The following HDAC7 variants were observed in gnomAD, a reference collection of about 807,000 sequenced individuals.
HDAC7 encodes histone deacetylase 7, also known as histone deacetylase 7A.
HDAC7 carries 26 observed loss-of-function variants against 115.5 expected under a neutral mutation model. The ratio of observed to expected loss-of-function variants is 0.23; its 90% confidence interval spans 0.16 to 0.31. The LOEUF is 0.31. HDAC7 is among the 10% of genes least tolerant of loss of function. The pLI, the probability that HDAC7 is intolerant of heterozygous loss-of-function variation, is 1.00. For missense variants in HDAC7, 1,068 were observed against 1,329.0 expected (o/e 0.80, Z 3.05); for synonymous variants, 564 against 550.9 (o/e 1.02, Z -0.33).
In HDAC7 at chr12:47,798,457, C is replaced by A; in HGVS notation, c.349+105G>T. 2 of 1,044,956 alleles carry A rather than the reference C, an allele frequency of 1.9e-6. No homozygotes were observed. Among genetic ancestry groups the A allele is most frequent in the South Asian group, 1.3e-5 (1 of 75,362 alleles). 64.7% of individuals were successfully genotyped at this position (1,044,956 alleles called of 1,614,324 possible). On this transcript the variant is annotated intron_variant, in intron 4 of 25. Transcript: ENST00000080059. The surrounding 1 kb of genome is among the most constrained non-coding windows in gnomAD (Gnocchi z 4.3). Reference sequence around the variant, plus strand: ...AGCAGAGGGAAAGCCTCGGCTCAGGCCCAGCTGGCTGCGGCCCTCCCACCT... The same window carrying A: ...AGCAGAGGGAAAGCCTCGGCTCAGGACCAGCTGGCTGCGGCCCTCCCACCT...
chr12:47,798,818 G>A lies in HDAC7; in HGVS notation c.225C>T (p.Gly75=). 6.4e-7 allele frequency: 1 copy of A among 1,559,184 alleles called. No homozygotes were observed. The highest frequency in any genetic ancestry group is 2.4e-5 in the East Asian group (1 of 41,818). ...QRLHHHLFLA[G]LQQQRSVEPM... ...GCTCCACCGAGCGCTGCTGCTGCAGGCCTGCTAGGAAGAGGTGGTGGTGCA... is the reference window on the plus strand; with the variant it reads ...GCTCCACCGAGCGCTGCTGCTGCAGACCTGCTAGGAAGAGGTGGTGGTGCA... Residue 75 remains glycine (G), a synonymous_variant, in exon 3 of 26, where the codon GGC becomes GGT. Coordinates refer to ENST00000080059, the MANE Select transcript of HDAC7 (RefSeq NM_015401.5). This position sits in a 1 kb window ranked among gnomAD's most constrained non-coding sequence, Gnocchi z 4.3.
Position 47,797,216 on chromosome 12 carries a change from T to A in HDAC7, c.578-74A>T. Reference sequence around the variant, plus strand: ...CCACCCTTTAACCCCTCAGTCCCAGTCATCTCTATCGGTCAAGGAAAGAGA... The same window carrying A: ...CCACCCTTTAACCCCTCAGTCCCAGACATCTCTATCGGTCAAGGAAAGAGA... On this transcript the variant is annotated intron_variant, in intron 6 of 25. Transcript: ENST00000080059. The surrounding 1 kb of genome is among the most constrained non-coding windows in gnomAD (Gnocchi z 5.5). The A allele has an allele frequency of 1.9e-6, 3 of 1,560,662 alleles. No homozygotes were observed. The highest frequency in any genetic ancestry group is 2.6e-6 in the Non-Finnish European group (3 of 1,150,304).
At chr12:47,789,139 G>A (rs530610543) in intron 19 of HDAC7, 122 bp downstream of exon 19, 4 of 786,544 alleles carry the variant, frequency 5.1e-6, no homozygotes, top group South Asian at 4.8e-5. Flanking sequence ...TTTACACAAG[G>A]GGAAACTGAG....
At chr12:47,802,586 T>C in intron 1 of HDAC7, 1 of 996,096 alleles carries the variant, frequency 1.0e-6, no homozygotes, top group East Asian at 2.6e-5. Flanking sequence ...CCCTCCCTCC[T>C]GTGGTCAGAT....
chr12:47,798,657 G>C lies in HDAC7; in HGVS notation c.259-5C>G. ...CATCGGCGTGTCCATGGAGAGCTGT[G>C]GGCAGGGCCGGCAGCCCAGAAAGGG... On this transcript the variant is annotated splice_polypyrimidine_tract_variant and splice_region_variant and intron_variant, in intron 3 of 25. Coordinates refer to ENST00000080059, the MANE Select transcript of HDAC7 (RefSeq NM_015401.5). This position sits in a 1 kb window ranked among gnomAD's most constrained non-coding sequence, Gnocchi z 4.3. 6.2e-7 allele frequency: 1 copy of C among 1,611,470 alleles called. No individual in the cohort carries two copies. Among genetic ancestry groups the C allele is most frequent in the Non-Finnish European group, 8.5e-7 (1 of 1,178,762 alleles).
chr12:47,802,288 G>GAC lies in HDAC7; in HGVS notation c.20-16_20-15dup. 1 of 1,613,378 alleles carries GAC rather than the reference G, an allele frequency of 6.2e-7. No homozygotes were observed. Among genetic ancestry groups the GAC allele is most frequent in the East Asian group, 2.2e-5 (1 of 44,878 alleles). ...CCTGGGTCCCATCTGTAGAGAGAGA[G>GAC]ACGGAGTGAAAGAGCTGCAGGGAGG... On this transcript the variant is annotated splice_polypyrimidine_tract_variant and intron_variant, in intron 1 of 25. Transcript: ENST00000080059.
intron 13 of HDAC7, 194 bp from the exon 14 acceptor site, chr12:47,792,198 C>T (rs1240086033): frequency 1.6e-5 from 10 of 608,026 alleles, no homozygotes; most frequent in South Asian, 4.3e-5. Flanking sequence ...TGTCCACACA[C>T]GCCCAGACAC....
At chr12:47,790,003 G>GC (rs1943392819) in intron 16 of HDAC7, 83 bp from the exon 17 acceptor site, 2 of 1,030,868 alleles carry the variant, frequency 1.9e-6, no homozygotes, top group Non-Finnish European at 3.0e-6. Flanking sequence ...CCACCCCACG[G>GC]CCAGGACCCC....
At chr12:47,787,097 T>G (rs1943211957) in intron 21 of HDAC7, among the ~76,000 whole-genome samples, 1 of 152,180 alleles carries the variant, frequency 6.6e-6, no homozygotes, top group Non-Finnish European at 1.5e-5. Flanking sequence ...TCACAAAGCT[T>G]CAGGGACTAC....
At position 47,787,165 on chromosome 12, in the gene HDAC7, T is replaced by C. The variant is rs1265611454; in HGVS notation, c.2454-462A>G. ...ACCCAGCTACTCACTACTTGAGAGC[T>C]GAGTAGGGGACAACTAGGTCCTCTG... On this transcript the variant is annotated intron_variant, in intron 21 of 25. Coordinates refer to ENST00000080059, the MANE Select transcript of HDAC7 (RefSeq NM_015401.5). Among the ~76,000 whole-genome samples, 12 of 152,254 alleles carry C rather than the reference T, an allele frequency of 7.9e-5. No homozygotes were observed. The East Asian group carries it at 1.7e-3, about 22-fold the overall frequency.
At chr12:47,790,953 T>G in intron 16 of HDAC7, 1 of 484,224 alleles carries the variant, frequency 2.1e-6, no homozygotes, top group Non-Finnish European at 3.7e-6. Context: ...TGGGGGTCTT[T>G]GAAGGGAGAG....
At chr12:47,802,709 G>A (rs370117063) in intron 1 of HDAC7, among the ~76,000 whole-genome samples, 2 of 152,132 alleles carry the variant, frequency 1.3e-5, no homozygotes, top group Admixed American at 6.6e-5. Context: ...ATGGCTGGGG[G>A]GACAGGAGGA....
Position 47,783,451 on chromosome 12 carries a change from C to CT in HDAC7, c.*389_*390insA. 1 of 257,682 alleles carries CT rather than the reference C, an allele frequency of 3.9e-6. No homozygotes were observed. Among genetic ancestry groups the CT allele is most frequent in the Non-Finnish European group, 7.8e-6 (1 of 128,768 alleles). The allele number at this position is 257,682 out of a possible 1,614,324, so 16.0% of individuals were successfully genotyped here. Reference sequence around the variant, plus strand: ...GCCAAGTTCACATTTCTGTGTGGAGCCTGAGGCTGTGTGCAAAGTCTGGGG... The same window carrying CT: ...GCCAAGTTCACATTTCTGTGTGGAGCTCTGAGGCTGTGTGCAAAGTCTGGGG... On this transcript the variant is annotated 3_prime_UTR_variant, in exon 26 of 26. Coordinates refer to ENST00000080059, the MANE Select transcript of HDAC7 (RefSeq NM_015401.5).
At chr12:47,804,249 G>C (rs1592681004) in intron 1 of HDAC7, among the ~76,000 whole-genome samples, 1 of 152,164 alleles carries the variant, frequency 6.6e-6, no homozygotes, top group Non-Finnish European at 1.5e-5. Flanking sequence ...GCTTCCAATA[G>C]CAATTCCTGG....
At position 47,792,019 on chromosome 12, in the gene HDAC7, G is replaced by T. The variant is rs749521775; in HGVS notation, c.1679-15C>A. 2 of 1,594,382 alleles carry T rather than the reference G, an allele frequency of 1.3e-6. No individual in the cohort carries two copies. Among genetic ancestry groups the T allele is most frequent in the East Asian group, 2.3e-5 (1 of 44,402 alleles). On this transcript the variant is annotated splice_polypyrimidine_tract_variant and intron_variant, in intron 13 of 25. Transcript: ENST00000080059. ...ATAGATCAGCCCTGCAGGAGCAAGGGTCAGAGCGGGGACCCAGGGAGTCCT... is the reference window on the plus strand; with the variant it reads ...ATAGATCAGCCCTGCAGGAGCAAGGTTCAGAGCGGGGACCCAGGGAGTCCT...
At chr12:47,812,210 G>C (rs1369760122) in intron 1 of HDAC7, among the ~76,000 whole-genome samples, 7 of 152,212 alleles carry the variant, frequency 4.6e-5, no homozygotes, top group Non-Finnish European at 8.8e-5. Flanking sequence ...CTGGGAGAGG[G>C]AGTGAACAAG....
rs1942987335 is a variant in HDAC7 at position 47,783,745 on chromosome 12, A to T, written c.*96T>A. On this transcript the variant is annotated 3_prime_UTR_variant, in exon 26 of 26. Coordinates refer to ENST00000080059, the MANE Select transcript of HDAC7 (RefSeq NM_015401.5). ...TCTCTGGTTCCAACTACTTGCCCAC[A>T]GGATCTCTAAAGACCCAGGAATGGG... The T allele has an allele frequency of 8.0e-7, 1 of 1,254,024 alleles. No individual in the cohort carries two copies. The highest frequency in any genetic ancestry group is 1.1e-6 in the Non-Finnish European group (1 of 870,088). 77.7% of individuals were successfully genotyped at this position (1,254,024 alleles called of 1,614,324 possible).
chr12:47,794,652 A>T, intron 12 of HDAC7, 108 bp downstream of exon 12: 2 of 1,157,876 alleles, frequency 1.7e-6, no homozygotes, highest in Non-Finnish European at 2.4e-6. Flanking sequence ...CATGGGTCCT[A>T]GAGCTGCCTG....
At chr12:47,819,474 T>C (rs1592080530) in intron 1 of HDAC7, among the ~76,000 whole-genome samples, 1 of 151,316 alleles carries the variant, frequency 6.6e-6, no homozygotes, top group East Asian at 2.0e-4. Flanking sequence ...GGCCTCCAAC[T>C]CCCTCCCTTG....
Sources: allele counts gnomAD v4.1 joint callset (sites outside exome capture counted in the v4.1 genomes callset), GRCh38; gene constraint gnomAD v4.1.1; non-coding constraint Gnocchi (gnomAD v3.1); transcripts MANE v1.5; gene names NCBI Gene and HGNC (gene_info 2026-07-23, HGNC 2026-07-21).